The following CSN3 variants were observed in gnomAD, a reference collection of about 807,000 sequenced individuals.
CSN3 encodes casein kappa, also known as kappa-casein.
Under a neutral mutation model 9.9 loss-of-function variants are expected in CSN3, and 7 were observed. The ratio of observed to expected loss-of-function variants is 0.71; its 90% CI spans 0.40 to 1.33. The LOEUF is 1.33. CSN3 is among the 40% of genes most tolerant of loss of function. CSN3 has a pLI of 0.01. For missense variants in CSN3, 253 were observed against 227.9 expected (o/e 1.11, Z -0.71); for synonymous variants, 88 against 82.3 (o/e 1.07, Z -0.37).
exon 4 of CSN3, chr4:70,249,359 C>T (rs759931928): frequency 1.9e-6 from 3 of 1,613,942 alleles, no homozygotes; most frequent in Admixed American, 1.7e-5. Context: ...GCCACTGAAC[C>T]AACGGTGGAC....
chr4:70,247,726 C>A (rs1280519631), intron 2 of CSN3, 92 bp from the exon 3 acceptor site: 3 of 1,068,698 alleles, frequency 2.8e-6, no homozygotes, highest in African/African-American at 3.3e-5. Context: ...CATATTTTGT[C>A]TTTAACACAA....
intron 3 of CSN3, among the ~76,000 whole-genome samples, chr4:70,248,792 AAAT>A (rs3044781): frequency 0.11 from 16,714 of 151,772 alleles, 982 homozygotes; most frequent in Non-Finnish European, 0.14. Flanking sequence ...AATATTATCA[AAAT>A]AATATTTATA....
At chr4:70,251,156 T>C (rs921921040) in intron 4 of CSN3, 106 bp from the exon 5 acceptor site, 2 of 152,222 alleles carry the variant, frequency 1.3e-5, no homozygotes, top group Admixed American at 6.5e-5. Context: ...GATTGACTTA[T>C]TGGATACAGA....
chr4:70,250,062 T>C (rs193148581), intron 4 of CSN3, among the ~76,000 whole-genome samples: 1 of 152,312 alleles, frequency 6.6e-6, no homozygotes, highest in African/African-American at 2.4e-5. Context: ...ATGGAAGAAT[T>C]ATAATGCTTA....
chr4:70,244,897 A>G (rs560126838), intron 2 of CSN3, 24 bp downstream of exon 2: 3 of 1,490,724 alleles, frequency 2.0e-6, no homozygotes, highest in South Asian at 2.9e-5. Flanking sequence ...ATCTAACCAG[A>G]TTGTACTGAC....
Position 70,248,979 on chromosome 4 carries a change from T to C in CSN3, c.88-19T>C, listed in dbSNP as rs751193336. The stretch of plus-strand genomic sequence containing the variant: ...GGGTCTATAATAATAATATTCTGTA[T>C]AATTTATTTTTTTTGCAGTGCCATG... On this transcript the variant is annotated intron_variant, in intron 3 of 4. Coordinates refer to ENST00000304954, the Ensembl canonical transcript of CSN3. 56 of 1,510,066 alleles carry C rather than the reference T, an allele frequency of 3.7e-5. No homozygotes were observed. The highest frequency in any genetic ancestry group is 4.9e-5 in the Non-Finnish European group (55 of 1,119,992). The allele number at this position is 1,510,066 out of a possible 1,614,324, so 93.5% of individuals were successfully genotyped here.
At chr4:70,245,380 A>G (rs1197386832) in intron 2 of CSN3, among the ~76,000 whole-genome samples, 1 of 152,134 alleles carries the variant, frequency 6.6e-6, no homozygotes, top group African/African-American at 2.4e-5. Context: ...TATTTGAATC[A>G]TTAACTTTTG....
At chr4:70,250,714 A>T (rs1395631090) in intron 4 of CSN3, among the ~76,000 whole-genome samples, 1 of 152,202 alleles carries the variant, frequency 6.6e-6, no homozygotes, top group East Asian at 1.9e-4. Context: ...TAAGTAAATT[A>T]TCACAGCTAG....
intron 1 of CSN3, among the ~76,000 whole-genome samples, chr4:70,244,272 C>A (rs1016400457): frequency 2.6e-5 from 4 of 151,996 alleles, no homozygotes; most frequent in African/African-American, 4.8e-5. Flanking sequence ...TTATATTTCC[C>A]TTCTCATACA....
Position 70,249,457 on chromosome 4 carries a change from T to TA in CSN3, c.*3dup. The TA allele has an allele frequency of 6.2e-7, 1 of 1,607,992 alleles. No homozygotes were observed. Among genetic ancestry groups the TA allele is most frequent in the Non-Finnish European group, 8.5e-7 (1 of 1,175,280 alleles). ...AGTTGCAGTTACTCCACCTACGGCA[T>TA]AAAAACACCAAGGAAATATCAAAGA... Residue 183 remains the stop codon, a frameshift_variant and stop_retained_variant, in exon 4 of 5, where the codon TAA becomes TAAA. Transcript: ENST00000304954. LOFTEE classifies it low-confidence loss of function (END_TRUNC).
intron 1 of CSN3, among the ~76,000 whole-genome samples, chr4:70,244,529 C>T (rs1411963361): frequency 6.6e-6 from 1 of 152,008 alleles, no homozygotes; most frequent in East Asian, 1.9e-4. Flanking sequence ...ATTGATGCTA[C>T]TCATTGGCAA....
chr4:70,240,611 TA>T, upstream of CSN3, among the ~76,000 whole-genome samples: 1 of 151,958 alleles, frequency 6.6e-6, no homozygotes, highest in East Asian at 1.9e-4. Context: ...ATAGCTCCAT[TA>T]TAGAATCCAT....
rs533378142 is a variant in CSN3, at chr4:70,245,768, C to A, written c.54+895C>A. 6.6e-5 allele frequency among the ~76,000 whole-genome samples: 10 copies of A among 152,122 alleles called. 1 individual carries two copies. In the South Asian group the frequency reaches 2.1e-3, roughly 32 times the overall value. On this transcript the variant is annotated intron_variant, in intron 2 of 4. Transcript: ENST00000304954. Reference sequence around the variant, plus strand: ...TTAAGTTAACATCTATTAATTAATTCTATTACCTGCATGTTGTGCTTGTGT... The same window carrying A: ...TTAAGTTAACATCTATTAATTAATTATATTACCTGCATGTTGTGCTTGTGT...
chr4:70,248,985 ATTTTT>A lies in CSN3; in HGVS notation c.88-9_88-5del, dbSNP rs57550378. On this transcript the variant is annotated splice_region_variant and splice_polypyrimidine_tract_variant and intron_variant, in intron 3 of 4. Coordinates refer to ENST00000304954, the Ensembl canonical transcript of CSN3. Reference sequence around the variant, plus strand: ...ATAATAATAATATTCTGTATAATTTATTTTTTTTGCAGTGCCATGAGAATGATGAA... The same window carrying A: ...ATAATAATAATATTCTGTATAATTTATTTGCAGTGCCATGAGAATGATGAA... 2.0e-6 allele frequency: 3 copies of A among 1,524,964 alleles called. No homozygotes were observed. Among genetic ancestry groups the A allele is most frequent in the East Asian group, 2.3e-5 (1 of 44,026 alleles). The allele number at this position is 1,524,964 out of a possible 1,614,324, so 94.5% of individuals were successfully genotyped here. A position where few individuals can be genotyped will look rare whatever the true frequency, so the allele number is the denominator to read the frequency against.
upstream of CSN3, among the ~76,000 whole-genome samples, chr4:70,239,896 T>C (rs1255297994): frequency 2.6e-5 from 4 of 152,142 alleles, no homozygotes; most frequent in East Asian, 7.7e-4. Context: ...TTTTGAAGCA[T>C]ACACATTTCT....
chr4:70,243,122 T>G (rs997838151), intron 1 of CSN3: 1 of 821,232 alleles, frequency 1.2e-6, no homozygotes, highest in Non-Finnish European at 1.5e-6. Context: ...AGCTGGATAA[T>G]TCTACCATTT....
chr4:70,245,999 G>T (rs6831455), intron 2 of CSN3, among the ~76,000 whole-genome samples: 5 of 151,862 alleles, frequency 3.3e-5, no homozygotes, highest in Non-Finnish European at 5.9e-5. Context: ...TACCTGAGCC[G>T]GATTCGTCTT....
chr4:70,248,442 C>G (rs1219903948), intron 3 of CSN3, among the ~76,000 whole-genome samples: 2 of 151,968 alleles, frequency 1.3e-5, no homozygotes, highest in Non-Finnish European at 2.9e-5. Context: ...CAAAAAAAAT[C>G]CAAAATCTAA....
intron 2 of CSN3, among the ~76,000 whole-genome samples, chr4:70,246,882 G>A (rs1056324311): frequency 2.0e-5 from 3 of 151,866 alleles, no homozygotes; most frequent in Non-Finnish European, 2.9e-5. Context: ...ATGTTGGCCA[G>A]GCTGGTCTTG....
Sources: gnomAD v4.1 joint callset for allele counts (sites outside exome capture counted in the v4.1 genomes callset) on GRCh38, gnomAD v4.1.1 for gene constraint, MANE v1.5 for transcripts, NCBI Gene and HGNC (gene_info 2026-07-23, HGNC 2026-07-21) for gene names.